ZNF423: variants seen among roughly 807,000 people sequenced by gnomAD.
ZNF423 encodes the protein zinc finger protein 423, also known as Ebf-associated zinc finger protein.
A neutral mutation model predicts 95.8 loss-of-function variants in ZNF423; 12 were observed. The ratio of observed to expected loss-of-function variants is 0.13; its 90% CI spans 0.08 to 0.20. ZNF423 has a LOEUF of 0.20. ZNF423 is among the 10% of genes least tolerant of loss of function. ZNF423 has a pLI of 1.00. For missense variants in ZNF423, 1,316 were observed against 1,737.1 expected, an observed-to-expected ratio of 0.76 and a Z score of 4.31; for synonymous variants, 749 against 711.9, an observed-to-expected ratio of 1.05 and a Z score of -0.83.
chr16:49,657,788 C>T (rs1261543321), intron 3 of ZNF423, among the ~76,000 whole-genome samples: 1 of 152,212 alleles, frequency 6.6e-6, no homozygotes, highest in African/African-American at 2.4e-5. Flanking sequence ...GCTTCAGGCT[C>T]TGTGTTCAGG....
At chr16:49,663,450 A>G (rs2030356185) in intron 3 of ZNF423, among the ~76,000 whole-genome samples, 1 of 151,932 alleles carries the variant, frequency 6.6e-6, no homozygotes, top group African/African-American at 2.4e-5. Flanking sequence ...GGCATTCAGT[A>G]CTTCAGAGGC....
intron 7 of ZNF423, among the ~76,000 whole-genome samples, chr16:49,510,816 C>G (rs920333310): frequency 6.6e-6 from 1 of 152,224 alleles, no homozygotes; most frequent in Non-Finnish European, 1.5e-5. Context: ...CATGTGGTCC[C>G]GGCTGAGGCA....
chr16:49,752,263 C>T (rs955181305), intron 2 of ZNF423, among the ~76,000 whole-genome samples: 1 of 152,204 alleles, frequency 6.6e-6, no homozygotes, highest in Non-Finnish European at 1.5e-5. Context: ...AACTGCACAC[C>T]GGAATTGGGA....
At chr16:49,717,960 G>C (rs977746929) in intron 3 of ZNF423, among the ~76,000 whole-genome samples, 5 of 152,226 alleles carry the variant, frequency 3.3e-5, no homozygotes, top group African/African-American at 1.2e-4. Context: ...CCCACAGAGG[G>C]AGGGGACCAA....
chr16:49,812,126 C>T (rs1233726739), intron 1 of ZNF423, among the ~76,000 whole-genome samples: 1 of 152,220 alleles, frequency 6.6e-6, no homozygotes. Context: ...TGCAGGGAGT[C>T]CTCAACCATC....
intron 5 of ZNF423, among the ~76,000 whole-genome samples, chr16:49,563,808 G>A (rs1567470541): frequency 6.6e-6 from 1 of 152,218 alleles, no homozygotes; most frequent in Non-Finnish European, 1.5e-5. Flanking sequence ...GCCAGCTCAG[G>A]AATCCAAGAA....
At chr16:49,729,085 T>G (rs957563691) in intron 3 of ZNF423, among the ~76,000 whole-genome samples, 1 of 152,110 alleles carries the variant, frequency 6.6e-6, no homozygotes, top group South Asian at 2.1e-4. Context: ...TCTCCTTGAT[T>G]TGAAGGGCTG....
intron 3 of ZNF423, among the ~76,000 whole-genome samples, chr16:49,722,354 A>G (rs1054708059): frequency 6.6e-6 from 1 of 152,196 alleles, no homozygotes; most frequent in Admixed American, 6.5e-5. Context: ...TCTGTTCATC[A>G]AAGCCCCTCT....
At chr16:49,587,234 C>T (rs1408689986) in intron 5 of ZNF423, among the ~76,000 whole-genome samples, 1 of 152,118 alleles carries the variant, frequency 6.6e-6, no homozygotes, top group East Asian at 1.9e-4. Context: ...CTCCTGAGCC[C>T]CTGACAATGA....
chr16:49,591,117 G>A (rs183222594), intron 5 of ZNF423, among the ~76,000 whole-genome samples: 2 of 152,316 alleles, frequency 1.3e-5, no homozygotes, highest in Admixed American at 1.3e-4. Flanking sequence ...AACTCCACTG[G>A]AAACCAAACC....
intron 3 of ZNF423, among the ~76,000 whole-genome samples, chr16:49,651,890 G>A (rs12932545): frequency 0.3 from 45,883 of 151,970 alleles, 9,650 homozygotes; most frequent in African/African-American, 0.6. Context: ...CAGGGTCTAA[G>A]CTAAACCTAC....
chr16:49,626,748 TAC>T (rs1972288816), intron 4 of ZNF423, among the ~76,000 whole-genome samples: 1 of 145,620 alleles, frequency 6.9e-6, no homozygotes, highest in Admixed American at 6.8e-5. Flanking sequence ...TCCACCTACA[TAC>T]ACACCCACCA....
At chr16:49,664,547 G>C (rs2030436646) in intron 3 of ZNF423, among the ~76,000 whole-genome samples, 5 of 152,160 alleles carry the variant, frequency 3.3e-5, no homozygotes, top group Admixed American at 3.3e-4. Flanking sequence ...GCCATGCCAG[G>C]GCCTGGTGCT....
At chr16:49,597,085 G>T (rs2151825339) in intron 5 of ZNF423, among the ~76,000 whole-genome samples, 2 of 152,340 alleles carry the variant, frequency 1.3e-5, no homozygotes, top group Middle Eastern at 3.4e-3. Context: ...CAGCTGTGAT[G>T]AACAGGAGCA....
chr16:49,548,647 G>A (rs1969521680), intron 5 of ZNF423, among the ~76,000 whole-genome samples: 1 of 152,246 alleles, frequency 6.6e-6, no homozygotes, highest in Admixed American at 6.5e-5. Flanking sequence ...GGGGAAGGCG[G>A]AGCAGAGAGA....
chr16:49,488,013 GACCACATCTGCTGGTC>G lies in ZNF423; in HGVS notation c.*3246_*3261del, dbSNP rs374942210. 26 of 152,352 alleles carry G rather than the reference GACCACATCTGCTGGTC, an allele frequency of 1.7e-4. No individual in the cohort carries two copies. The highest frequency in any genetic ancestry group is 6.3e-4 in the African/African-American group (26 of 41,574). The allele number at this position is 152,352 out of a possible 1,614,324, so 9.4% of individuals were successfully genotyped here. A position where few individuals can be genotyped will look rare whatever the true frequency, so the allele number is the denominator to read the frequency against. On this transcript the variant is annotated 3_prime_UTR_variant, in exon 8 of 8. Transcript: ENST00000563137. ...CCACTGTGGCCTCCATGAGGCCAGG[GACCACATCTGCTGGTC>G]ATCTCCTTATCCCCAGTGCCCTGTG...
At chr16:49,578,356 T>C (rs1398238119) in intron 5 of ZNF423, among the ~76,000 whole-genome samples, 4 of 152,144 alleles carry the variant, frequency 2.6e-5, no homozygotes, top group Non-Finnish European at 5.9e-5. Flanking sequence ...TCTTCTTCAT[T>C]TCCTTCACCT....
chr16:49,783,348 G>A (rs1354006431), intron 2 of ZNF423, among the ~76,000 whole-genome samples: 1 of 148,454 alleles, frequency 6.7e-6, no homozygotes, highest in Non-Finnish European at 1.5e-5. Flanking sequence ...TAGCATTACA[G>A]TTAGGGTTAG....
chr16:49,771,770 A>G (rs2143713582), intron 2 of ZNF423, among the ~76,000 whole-genome samples: 1 of 152,314 alleles, frequency 6.6e-6, no homozygotes, highest in Admixed American at 6.5e-5. Flanking sequence ...CTGTAAGGCC[A>G]TTAAACCTCT....
Sources: gnomAD v4.1 joint callset for allele counts (sites outside exome capture counted in the v4.1 genomes callset) on GRCh38, gnomAD v4.1.1 for gene constraint, MANE v1.5 for transcripts, NCBI Gene and HGNC (gene_info 2026-07-23, HGNC 2026-07-21) for gene names.